SNW1: variants seen among roughly 807,000 people sequenced by gnomAD.
The protein encoded by SNW1 is SNW domain-containing protein 1.
Under a neutral mutation model 75.6 loss-of-function variants are expected in SNW1, and 9 were observed. The ratio of observed to expected loss-of-function variants is 0.12; its 90% CI spans 0.07 to 0.21. The LOEUF (loss-of-function observed/expected upper bound fraction) is 0.21. Among genes scored for constraint, SNW1 ranks in the 10% least tolerant of loss-of-function variants. The pLI, the probability that SNW1 is intolerant of heterozygous loss-of-function variation, is 1.00. For synonymous variants in SNW1, 200 were observed against 219.1 expected (o/e 0.91, Z 0.77); for missense variants, 409 against 670.9 (o/e 0.61, Z 4.31).
intron 11 of SNW1, 146 bp from the exon 12 acceptor site, chr14:77,720,974 A>G: frequency 1.6e-6 from 1 of 632,008 alleles, no homozygotes; most frequent in Non-Finnish European, 2.8e-6. Flanking sequence ...ATGATACATA[A>G]TCAAGCTGGC....
intron 2 of SNW1, among the ~76,000 whole-genome samples, chr14:77,754,467 A>G (rs1229108424): frequency 2.6e-5 from 4 of 152,168 alleles, no homozygotes; most frequent in African/African-American, 7.2e-5. Context: ...TTTAATCTAT[A>G]TATCAGATAT....
rs754445606 is a variant in SNW1 at position 77,738,948 on chromosome 14, A to G, written c.426+18T>C. On this transcript the variant is annotated intron_variant, in intron 4 of 13. Coordinates refer to ENST00000261531, the MANE Select transcript of SNW1 (RefSeq NM_012245.3). ...ATCAGGATGTAAATAGTCATCGAAT[A>G]TATCAATTCCCAGTTACCTCTTTAA... 8.1e-6 allele frequency: 13 copies of G among 1,610,924 alleles called. No homozygotes were observed. The highest frequency in any genetic ancestry group is 1.7e-4 in the Middle Eastern group (1 of 6,058).
chr14:77,720,799 T>C lies in SNW1; in HGVS notation c.1160A>G (p.Asp387Gly), dbSNP rs1301151458. 1.9e-6 allele frequency: 3 copies of C among 1,613,726 alleles called. No homozygotes were observed. Among genetic ancestry groups the C allele is most frequent in the Non-Finnish European group, 8.5e-7 (1 of 1,179,798 alleles). ...ACCGAGAGCAATAACTTCACTGATA[T>C]CCCGATTTTCATTTCTCTGAAGTTT... The part of the protein sequence containing the change: ...RSKLQRNENR[D>G]ISEVIALGVP... The change falls in exon 12 of 14, where the codon GAT becomes GGT. Residue 387 changes from aspartate (D) to glycine (G), a missense_variant. Asp to Gly is a moderately conservative substitution (Grantham distance 94, BLOSUM62 -1). This residue lies in a region of SNW1 where 126 missense variants were observed against 167.6 expected (regional missense o/e 0.75). Coordinates refer to ENST00000261531, the MANE Select transcript of SNW1 (RefSeq NM_012245.3).
Position 77,717,940 on chromosome 14 carries a change from C to CG in SNW1, c.*147_*148insC, listed in dbSNP as rs1470959421. Reference sequence around the variant, plus strand: ...ATAATTCAAAGTAGAATTTTCTATCCCCCCCATTTCTCCAGTAATAAAAAG... The same window carrying CG: ...ATAATTCAAAGTAGAATTTTCTATCCGCCCCCATTTCTCCAGTAATAAAAAG... On this transcript the variant is annotated 3_prime_UTR_variant, in exon 14 of 14. Transcript: ENST00000261531. The CG allele has an allele frequency of 1.5e-6, 1 of 682,802 alleles. No homozygotes were observed. Among genetic ancestry groups the CG allele is most frequent in the Non-Finnish European group, 2.4e-6 (1 of 413,652 alleles). 42.3% of individuals were successfully genotyped at this position (682,802 alleles called of 1,614,324 possible).
At chr14:77,736,335 G>T (rs111227423) in intron 6 of SNW1, among the ~76,000 whole-genome samples, 2 of 152,138 alleles carry the variant, frequency 1.3e-5, no homozygotes, top group Non-Finnish European at 2.9e-5. Flanking sequence ...ATCGCCTGAC[G>T]TCAGGAGATC....
At chr14:77,723,327 G>T in intron 10 of SNW1, 50 bp from the exon 11 acceptor site, 1 of 1,294,678 alleles carries the variant, frequency 7.7e-7, no homozygotes. Context: ...TTATATGTGT[G>T]CATACGTGTA....
chr14:77,754,471 C>G (rs2080829925), intron 2 of SNW1, among the ~76,000 whole-genome samples: 1 of 152,056 alleles, frequency 6.6e-6, no homozygotes, highest in Admixed American at 6.6e-5. Flanking sequence ...ATCTATATAT[C>G]AGATATATAT....
intron 3 of SNW1, among the ~76,000 whole-genome samples, chr14:77,742,395 G>A (rs1395759585): frequency 2.0e-5 from 3 of 152,082 alleles, no homozygotes; most frequent in African/African-American, 7.2e-5. Context: ...AGTACCAGGA[G>A]GCAAATGGGC....
chr14:77,760,839 T>C, intron 1 of SNW1: 1 of 738,544 alleles, frequency 1.4e-6, no homozygotes, highest in Middle Eastern at 2.7e-4. Context: ...CCCCGCAAGA[T>C]GCTCACGCGA....
chr14:77,733,487 G>A (rs796350075), intron 8 of SNW1, among the ~76,000 whole-genome samples: 2 of 146,254 alleles, frequency 1.4e-5, no homozygotes, highest in East Asian at 2.0e-4. Context: ...GCTCAAGCCT[G>A]TAATCCCAAC....
intron 8 of SNW1, among the ~76,000 whole-genome samples, chr14:77,733,404 C>G (rs892846178): frequency 6.6e-6 from 1 of 151,998 alleles, no homozygotes; most frequent in African/African-American, 2.4e-5. Flanking sequence ...ATCTGCTGTA[C>G]TGTCTTAATG....
intron 10 of SNW1, among the ~76,000 whole-genome samples, chr14:77,726,292 G>A (rs1239938795): frequency 6.6e-6 from 1 of 152,064 alleles, no homozygotes; most frequent in Non-Finnish European, 1.5e-5. Flanking sequence ...CATTTTTAGA[G>A]TGTCTTCTAC....
intron 1 of SNW1, 161 bp downstream of exon 1, chr14:77,760,953 C>T (rs2080885787): frequency 6.5e-7 from 1 of 1,536,960 alleles, no homozygotes; most frequent in Non-Finnish European, 9.0e-7. Context: ...TTCGACTAGG[C>T]CTAGTCGTAG....
Position 77,738,816 on chromosome 14 carries a change from A to G in SNW1, c.495T>C (p.Val165=), listed in dbSNP as rs1410710410. Residue 165 remains valine, a synonymous_variant, in exon 5 of 14, where the codon GTT becomes GTC. Coordinates refer to ENST00000261531, the MANE Select transcript of SNW1 (RefSeq NM_012245.3). ...VSQKVAAAMP[V]RAADKLAPAQ... ...CAGGAGCCAATTTGTCAGCTGCTCG[A>G]ACTGGCATGGCTGCGGCGACCTTCT... is the stretch of plus-strand genomic sequence containing the variant. 6.2e-7 allele frequency: 1 copy of G among 1,614,180 alleles called. No homozygotes were observed. The highest frequency in any genetic ancestry group is 1.3e-5 in the African/African-American group (1 of 75,056).
chr14:77,723,892 C>T (rs1360785349), intron 10 of SNW1, among the ~76,000 whole-genome samples: 1 of 152,180 alleles, frequency 6.6e-6, no homozygotes, highest in Non-Finnish European at 1.5e-5. Flanking sequence ...TGATCTGCCG[C>T]ACCCAGCCAA....
intron 8 of SNW1, among the ~76,000 whole-genome samples, chr14:77,733,044 A>C (rs1465311004): frequency 1.3e-5 from 2 of 152,366 alleles, no homozygotes; most frequent in Middle Eastern, 3.4e-3. Context: ...ACAATGATGC[A>C]AAACAACAGC....
rs1470512870 is a variant in SNW1 at position 77,744,462 on chromosome 14, AAAAAG to A, written c.331-5406_331-5402del. Among the ~76,000 whole-genome samples, 690 of 150,322 alleles carry A rather than the reference AAAAAG, an allele frequency of 4.6e-3. 3 individuals carry two copies. The highest frequency in any genetic ancestry group is 0.016 in the African/African-American group (657 of 40,712). On this transcript the variant is annotated intron_variant, in intron 3 of 13. Coordinates refer to ENST00000261531, the MANE Select transcript of SNW1 (RefSeq NM_012245.3). Reference sequence around the variant, plus strand: ...TCTCCATCTCAAAAAAAAAAAAAAAAAAAAGAAAAGTAAAGAAAAGAAAAGAAAAA... The same window carrying A: ...TCTCCATCTCAAAAAAAAAAAAAAAAAAAAGTAAAGAAAAGAAAAGAAAAA...
At chr14:77,723,142 C>A in intron 11 of SNW1, 39 bp downstream of exon 11, 1 of 1,531,514 alleles carries the variant, frequency 6.5e-7, no homozygotes, top group South Asian at 1.1e-5. Flanking sequence ...CCACTGCGCC[C>A]GGCCACCATG....
At chr14:77,722,691 C>CA in intron 11 of SNW1, 1 of 359,948 alleles carries the variant, frequency 2.8e-6, no homozygotes. Flanking sequence ...AGAGCTAAGA[C>CA]AAAGTAGTTA....
Sources: gnomAD v4.1 joint callset for allele counts (sites outside exome capture counted in the v4.1 genomes callset) on GRCh38, gnomAD v4.1.1 for gene constraint, gnomAD v4.1.1 regional missense constraint, MANE v1.5 for transcripts, NCBI Gene and HGNC (gene_info 2026-07-23, HGNC 2026-07-21) for gene names.